Variants in TCF12 observed in about 807,000 individuals in gnomAD.
TCF12 encodes transcription factor 12, also known as DNA-binding protein HTF4.
TCF12 carries 45 observed loss-of-function variants against 86.0 expected under a neutral mutation model. The ratio of observed to expected loss-of-function variants is 0.52; its 90% CI spans 0.41 to 0.67. The LOEUF is 0.67. Among genes scored for constraint, TCF12 ranks in the 30% least tolerant of loss-of-function variants. The pLI is 0.00. For missense variants in TCF12, 881 were observed against 859.9 expected, an observed-to-expected ratio of 1.02 and a Z score of -0.31; for synonymous variants, 330 against 299.6, an observed-to-expected ratio of 1.10 and a Z score of -1.05.
At chr15:57,022,767 G>A (rs1567270416) in intron 3 of TCF12, among the ~76,000 whole-genome samples, 1 of 152,224 alleles carries the variant, frequency 6.6e-6, no homozygotes, top group East Asian at 1.9e-4. Context: ...ATTCTAATTG[G>A]CGTGAGATGG....
At chr15:57,034,321 CTA>C (rs2066375677) in intron 3 of TCF12, among the ~76,000 whole-genome samples, 1 of 151,762 alleles carries the variant, frequency 6.6e-6, no homozygotes, top group South Asian at 2.1e-4. Context: ...TCCTTTTGCC[CTA>C]TGTTTTTTCA....
intron 6 of TCF12, among the ~76,000 whole-genome samples, chr15:57,191,714 G>T (rs2056987838): frequency 1.3e-5 from 2 of 152,118 alleles, no homozygotes; most frequent in African/African-American, 4.8e-5. Flanking sequence ...GAGGTGGGTG[G>T]ATCACCTGAG....
At chr15:57,269,155 G>A (rs2152082975) in intron 18 of TCF12, among the ~76,000 whole-genome samples, 1 of 152,210 alleles carries the variant, frequency 6.6e-6, no homozygotes, top group Middle Eastern at 3.4e-3. Context: ...TTGTATGGGA[G>A]TCTAAGTCTT....
At chr15:57,121,851 C>G (rs529168642) in intron 5 of TCF12, among the ~76,000 whole-genome samples, 2 of 152,228 alleles carry the variant, frequency 1.3e-5, no homozygotes, top group Non-Finnish European at 2.9e-5. Context: ...GGATACAGCT[C>G]TATTGTTCCT....
At chr15:57,181,297 C>G (rs1459865229) in intron 6 of TCF12, among the ~76,000 whole-genome samples, 1 of 151,818 alleles carries the variant, frequency 6.6e-6, no homozygotes, top group Non-Finnish European at 1.5e-5. Flanking sequence ...ACTGTGTTCC[C>G]CCGACTGACC....
rs2060085516 is a variant in TCF12, at chr15:57,250,930, A to G, written c.1115-420A>G. Among the ~76,000 whole-genome samples, 3 of 152,008 alleles carry G rather than the reference A, an allele frequency of 2.0e-5. No homozygotes were observed. The South Asian group carries it at 6.2e-4, about 32-fold the overall frequency. On this transcript the variant is annotated intron_variant, in intron 13 of 20. Transcript: ENST00000333725. ...AGAAAAAGAAGAAACAAAACCAAAA[A>G]AACAGACTAGGTGTAGAGAATAAGG...
At chr15:57,121,202 C>T (rs1182250909) in intron 5 of TCF12, among the ~76,000 whole-genome samples, 3 of 152,138 alleles carry the variant, frequency 2.0e-5, no homozygotes, top group African/African-American at 4.8e-5. Context: ...GAGGTTCTTT[C>T]GCTAGTCTAG....
At chr15:57,198,632 G>T (rs1325179963) in intron 8 of TCF12, among the ~76,000 whole-genome samples, 3 of 152,098 alleles carry the variant, frequency 2.0e-5, no homozygotes, top group Admixed American at 1.3e-4. Flanking sequence ...TGCAAAAAAC[G>T]GAAGTTTTTT....
chr15:57,281,037 T>G (rs1398846997), intron 19 of TCF12, among the ~76,000 whole-genome samples: 1 of 152,126 alleles, frequency 6.6e-6, no homozygotes, highest in Non-Finnish European at 1.5e-5. Flanking sequence ...GTAAGTAGAT[T>G]TTGATCCAGT....
chr15:57,051,324 G>T (rs1006677883), intron 3 of TCF12, among the ~76,000 whole-genome samples: 2 of 152,138 alleles, frequency 1.3e-5, no homozygotes, highest in African/African-American at 2.4e-5. Flanking sequence ...TCTTCCTCAC[G>T]TTTATGTTGA....
Position 57,197,152 on chromosome 15 carries a change from C to CTTTTTT in TCF12, c.527-605_527-600dup, listed in dbSNP as rs138145337. 6.3e-3 allele frequency among the ~76,000 whole-genome samples: 547 copies of CTTTTTT among 87,016 alleles called. 4 individuals are homozygous for CTTTTTT. The highest frequency in any genetic ancestry group is 9.2e-3 in the Non-Finnish European group (435 of 47,036). The allele number at this position is 87,016 out of a possible 152,430, so 57.1% of individuals were successfully genotyped here. ...TATAGTACCTGGCACAGAACAGCTT[C>CTTTTTT]TTTTTTTTTTTTTTTTTTTTTGAGA... On this transcript the variant is annotated intron_variant, in intron 7 of 20. Coordinates refer to ENST00000333725, the MANE Select transcript of TCF12 (RefSeq NM_207037.2).
At chr15:57,093,714 T>C (rs1222082402) in intron 5 of TCF12, among the ~76,000 whole-genome samples, 1 of 152,234 alleles carries the variant, frequency 6.6e-6, no homozygotes, top group East Asian at 1.9e-4. Context: ...TGTTGGTTTC[T>C]TTAGTTTTCA....
intron 3 of TCF12, among the ~76,000 whole-genome samples, chr15:56,962,325 C>T (rs74018441): frequency 0.033 from 4,997 of 152,192 alleles, 307 homozygotes; most frequent in East Asian, 0.28. Context: ...TGCTGCTTAG[C>T]AGAGTGCTCT....
chr15:57,007,489 G>A (rs541731783), intron 3 of TCF12, among the ~76,000 whole-genome samples: 4 of 152,156 alleles, frequency 2.6e-5, no homozygotes, highest in South Asian at 2.1e-4. Flanking sequence ...TGTTCTTCAC[G>A]TTGTTATAAG....
At position 57,189,007 on chromosome 15, in the gene TCF12, T is replaced by G. The variant is rs543514634; in HGVS notation, c.391-3151T>G. 2.6e-5 allele frequency among the ~76,000 whole-genome samples: 4 copies of G among 152,346 alleles called. No homozygotes were observed. The South Asian group carries it at 8.3e-4, about 32-fold the overall frequency. On this transcript the variant is annotated intron_variant, in intron 6 of 20. Transcript: ENST00000333725. ...CCGCCCTATGTGGCCCAGGCTTGTC[T>G]TGAACTCCTGGGTTCAAGAGATCTT... is the stretch of plus-strand genomic sequence containing the variant.
At chr15:56,935,482 T>G (rs1303521293) in intron 3 of TCF12, among the ~76,000 whole-genome samples, 1 of 151,902 alleles carries the variant, frequency 6.6e-6, no homozygotes, top group African/African-American at 2.4e-5. Context: ...TTAAAAAAAT[T>G]TTTTGTTTCC....
In TCF12 at chr15:57,001,275, A is replaced by G. The variant is rs183425627; in HGVS notation, c.149-62475A>G. 672 of 170,242 alleles carry G rather than the reference A, an allele frequency of 3.9e-3. 3 individuals are homozygous for G. Among genetic ancestry groups the G allele is most frequent in the Non-Finnish European group, 6.4e-3 (504 of 78,286 alleles). The allele number at this position is 170,242 out of a possible 1,614,324, so 10.5% of individuals were successfully genotyped here. A position where few individuals can be genotyped will look rare whatever the true frequency, so the allele number is the denominator to read the frequency against. ...AGTAATCCGCCCACCTCAGCCTCCT[A>G]CAGTGCTGGGATTTCTAATGCCTGT... On this transcript the variant is annotated intron_variant, in intron 3 of 20. Transcript: ENST00000333725.
intron 5 of TCF12, among the ~76,000 whole-genome samples, chr15:57,132,546 TC>T (rs2052208957): frequency 6.6e-6 from 1 of 152,196 alleles, no homozygotes; most frequent in African/African-American, 2.4e-5. Context: ...TGATTGATGT[TC>T]CTAATGGAAT....
At position 57,219,916 on chromosome 15, in the gene TCF12, C is replaced by T. The variant is rs552413649; in HGVS notation, c.580-11236C>T. Among the ~76,000 whole-genome samples, 5 of 151,672 alleles carry T rather than the reference C, an allele frequency of 3.3e-5. No homozygotes were observed. In the East Asian group the frequency reaches 5.9e-4, roughly 18 times the overall value. On this transcript the variant is annotated intron_variant, in intron 8 of 20. Coordinates refer to ENST00000333725, the MANE Select transcript of TCF12 (RefSeq NM_207037.2). ...AATTTTTGTATTTTTAGTAGAGACGCGGTTTTATCATGTTGGCCAGGCTGG... is the reference window on the plus strand; with the variant it reads ...AATTTTTGTATTTTTAGTAGAGACGTGGTTTTATCATGTTGGCCAGGCTGG...
Sources: allele counts gnomAD v4.1 joint callset (sites outside exome capture counted in the v4.1 genomes callset), GRCh38; gene constraint gnomAD v4.1.1; transcripts MANE v1.5; gene names NCBI Gene and HGNC (gene_info 2026-07-23, HGNC 2026-07-21).